The following AKAP8L variants were observed in gnomAD, a reference collection of about 807,000 sequenced individuals.
AKAP8L encodes A-kinase anchor protein 8-like.
A neutral mutation model predicts 77.5 loss-of-function variants in AKAP8L; 34 were observed. The observed-to-expected ratio is 0.44, with a 90% CI of 0.33 to 0.58. The LOEUF (loss-of-function observed/expected upper bound fraction) is 0.58. Ranked by LOEUF, AKAP8L falls within the 20% of genes least tolerant of loss-of-function variation. The probability of loss-of-function intolerance (pLI) is 0.02; values close to 1 mark genes in which losing one functional copy is unlikely to be tolerated. For synonymous variants in AKAP8L, 342 were observed against 340.7 expected (o/e 1.00, Z -0.04); for missense variants, 806 against 887.6 (o/e 0.91, Z 1.17).
intron 2 of AKAP8L, among the ~76,000 whole-genome samples, chr19:15,408,576 A>AAAAGAAAG (rs55924978): frequency 8.2e-6 from 1 of 121,566 alleles, no homozygotes; most frequent in African/African-American, 2.9e-5. Flanking sequence ...AAAAAAAAAA[A>AAAAGAAAG]AAAGAAAGAA....
rs1256392980 is a variant in AKAP8L, at chr19:15,395,876, C to T, written c.1536+1274G>A. Among the ~76,000 whole-genome samples the T allele has an allele frequency of 3.6e-5, 5 of 137,296 alleles. No homozygotes were observed. The East Asian group carries it at 7.0e-4, about 19-fold the overall frequency. 90.1% of individuals were successfully genotyped at this position (137,296 alleles called of 152,430 possible). On this transcript the variant is annotated intron_variant, in intron 12 of 13. Transcript: ENST00000397410. ...GCGGGCGCCTGTAGTCCCAGCTACT[C>T]GGGAGGCTGAGGCAGGAGAATGGCG...
intron 1 of AKAP8L, among the ~76,000 whole-genome samples, chr19:15,411,899 C>T (rs1360993146): frequency 6.6e-6 from 1 of 151,976 alleles, no homozygotes; most frequent in Non-Finnish European, 1.5e-5. Flanking sequence ...ACTAAAAATA[C>T]AAAAATTAGC....
chr19:15,412,745 T>TG (rs1485175110), intron 1 of AKAP8L, among the ~76,000 whole-genome samples: 1 of 152,232 alleles, frequency 6.6e-6, no homozygotes, highest in Non-Finnish European at 1.5e-5. Context: ...GGTTTCACCA[T>TG]GTTAGCCAGG....
rs746902368 is a variant in AKAP8L, at chr19:15,380,313, C to G, written c.1750G>C (p.Gly584Arg). 6.5e-7 allele frequency: 1 copy of G among 1,535,720 alleles called. No homozygotes were observed. Among genetic ancestry groups the G allele is most frequent in the Admixed American group, 2.0e-5 (1 of 50,840 alleles). The change falls in exon 14 of 14, where the codon GGC becomes CGC. Residue 584 changes from glycine to arginine, a missense_variant. Physicochemically the swap from Gly to Arg is moderately radical, Grantham distance 125 (BLOSUM62 -2). Transcript: ENST00000397410. The part of the protein sequence containing the change: ...EAAGISEGAE[G>R]VPAQPPVPPE... ...GGCACGGGAGGCTGCGCCGGCACGC[C>G]CTCTGCGCCCTCCGAGATCCCTGCC...
rs1267722529 is a variant in AKAP8L at position 15,399,353 on chromosome 19, T to C, written c.1106A>G (p.Lys369Arg). ...GQTKRKLQAG[K>R]KSQDKQKKRQ... ...CTTTTTCTGCTTGTCCTGACTCTTCTTGCCTGCCTGCAACTTGCGCTTGGT... is the reference window on the plus strand; with the variant it reads ...CTTTTTCTGCTTGTCCTGACTCTTCCTGCCTGCCTGCAACTTGCGCTTGGT... Residue 369 changes from lysine to arginine, a missense_variant, in exon 9 of 14, where the codon AAG (lysine) becomes AGG (arginine). Physicochemically the swap from Lys to Arg is conservative, Grantham distance 26. Transcript: ENST00000397410. The surrounding 1 kb of genome is among the most constrained non-coding windows in gnomAD (Gnocchi z 6.1). 3 of 1,613,764 alleles carry C rather than the reference T, an allele frequency of 1.9e-6. No homozygotes were observed. The highest frequency in any genetic ancestry group is 2.7e-5 in the African/African-American group (2 of 74,908).
Position 15,398,640 on chromosome 19 carries a change from C to A in AKAP8L, c.1157+662G>T. 1.0e-6 allele frequency: 1 copy of A among 986,608 alleles called. No homozygotes were observed. The highest frequency in any genetic ancestry group is 1.2e-6 in the Non-Finnish European group (1 of 830,648). 61.1% of individuals were successfully genotyped at this position (986,608 alleles called of 1,614,324 possible). Reference sequence around the variant, plus strand: ...GGGGCGGGTCCCTACCTCTGCCGGACGTCCTTATCTGGGCCACGGGGTCAG... The same window carrying A: ...GGGGCGGGTCCCTACCTCTGCCGGAAGTCCTTATCTGGGCCACGGGGTCAG... On this transcript the variant is annotated intron_variant, in intron 9 of 13. Coordinates refer to ENST00000397410, the MANE Select transcript of AKAP8L (RefSeq NM_014371.4). This position sits in a 1 kb window ranked among gnomAD's most constrained non-coding sequence, Gnocchi z 9.2.
At chr19:15,416,264 C>T (rs988420902) in intron 1 of AKAP8L, among the ~76,000 whole-genome samples, 3 of 152,194 alleles carry the variant, frequency 2.0e-5, no homozygotes, top group African/African-American at 4.8e-5. Context: ...CAAAGATGGT[C>T]TCCATTCCTG....
Position 15,399,262 on chromosome 19 carries a change from C to T in AKAP8L, c.1157+40G>A, listed in dbSNP as rs1394811785. 4 of 1,568,036 alleles carry T rather than the reference C, an allele frequency of 2.6e-6. No individual in the cohort carries two copies. The Admixed American group carries it at 6.7e-5, about 26-fold the overall frequency. ...CCCTGCTCTCCTGGCGGCAGCCCCACAGCGAGGCAGAGGCAGAGGGGTGGA... is the reference window on the plus strand; with the variant it reads ...CCCTGCTCTCCTGGCGGCAGCCCCATAGCGAGGCAGAGGCAGAGGGGTGGA... On this transcript the variant is annotated intron_variant, in intron 9 of 13. Transcript: ENST00000397410. This position sits in a 1 kb window ranked among gnomAD's most constrained non-coding sequence, Gnocchi z 6.1.
At chr19:15,387,816 G>A (rs762321359) in intron 12 of AKAP8L, among the ~76,000 whole-genome samples, 1 of 152,042 alleles carries the variant, frequency 6.6e-6, no homozygotes, top group South Asian at 2.1e-4. Context: ...AAAATTAGCC[G>A]GGCGTGGTAG....
rs943605682 is a variant in AKAP8L, at chr19:15,398,739, G to A, written c.1157+563C>T. The A allele has an allele frequency of 1.4e-5, 14 of 990,012 alleles. No individual in the cohort carries two copies. The highest frequency in any genetic ancestry group is 5.9e-5 in the Admixed American group (1 of 16,884). 61.3% of individuals were successfully genotyped at this position (990,012 alleles called of 1,614,324 possible). On this transcript the variant is annotated intron_variant, in intron 9 of 13. Coordinates refer to ENST00000397410, the MANE Select transcript of AKAP8L (RefSeq NM_014371.4). This position sits in a 1 kb window ranked among gnomAD's most constrained non-coding sequence, Gnocchi z 9.2. Reference sequence around the variant, plus strand: ...TCCAGCAAGAGCAAGAGTCTGAGGCGGAGGAGGCAAGCGCCAGTGCGGGAG... The same window carrying A: ...TCCAGCAAGAGCAAGAGTCTGAGGCAGAGGAGGCAAGCGCCAGTGCGGGAG...
intron 1 of AKAP8L, among the ~76,000 whole-genome samples, chr19:15,416,379 T>C (rs927086240): frequency 6.6e-6 from 1 of 152,196 alleles, no homozygotes; most frequent in Non-Finnish European, 1.5e-5. Context: ...TTCGCCTTGC[T>C]CTTTCTGGGA....
chr19:15,404,091 G>A lies in AKAP8L; in HGVS notation c.89-49C>T, dbSNP rs1568270587. 1.9e-6 allele frequency: 3 copies of A among 1,590,052 alleles called. No individual in the cohort carries two copies. In the South Asian group the frequency reaches 3.3e-5, roughly 18 times the overall value. On this transcript the variant is annotated intron_variant, in intron 2 of 13. Coordinates refer to ENST00000397410, the MANE Select transcript of AKAP8L (RefSeq NM_014371.4). ...ACATCTATACTTGCTTACAATACAAGGCCATAATTCAGGCGCAGACAATTA... is the reference window on the plus strand; with the variant it reads ...ACATCTATACTTGCTTACAATACAAAGCCATAATTCAGGCGCAGACAATTA...
At chr19:15,381,734 C>T (rs1246071660) in intron 12 of AKAP8L, 1 of 152,146 alleles carries the variant, frequency 6.6e-6, no homozygotes, top group Non-Finnish European at 1.5e-5. Flanking sequence ...TAGACCGTTC[C>T]CCCAGTGACT....
chr19:15,388,516 C>T (rs1199221619), intron 12 of AKAP8L, among the ~76,000 whole-genome samples: 1 of 152,030 alleles, frequency 6.6e-6, no homozygotes, highest in African/African-American at 2.4e-5. Context: ...AATTTAAACA[C>T]AGAGATAGAA....
Position 15,418,956 on chromosome 19 carries a change from G to A in AKAP8L, c.-33C>T, listed in dbSNP as rs201582772. The A allele has an allele frequency of 6.3e-5, 101 of 1,604,022 alleles. No homozygotes were observed. Among genetic ancestry groups the A allele is most frequent in the African/African-American group, 2.3e-4 (17 of 75,042 alleles). The stretch of plus-strand genomic sequence containing the variant: ...GGCAACACAACATCCGACGACGCCG[G>A]CTTCTGCTGCTCTGAACATCCGACG... On this transcript the variant is annotated 5_prime_UTR_variant, in exon 1 of 14. Transcript: ENST00000397410.
chr19:15,399,673 G>A lies in AKAP8L; in HGVS notation c.1049-263C>T, dbSNP rs1016815215. 2.0e-6 allele frequency: 1 copy of A among 506,106 alleles called. No homozygotes were observed. Among genetic ancestry groups the A allele is most frequent in the Admixed American group, 3.3e-5 (1 of 30,336 alleles). 31.4% of individuals were successfully genotyped at this position (506,106 alleles called of 1,614,324 possible). ...TGCTCTCTGTGCAGTGGGCCAGGAG[G>A]AGGCTGGAAAGCAAAGAGGGGGTAT... On this transcript the variant is annotated intron_variant, in intron 8 of 13. Coordinates refer to ENST00000397410, the MANE Select transcript of AKAP8L (RefSeq NM_014371.4). The surrounding 1 kb of genome is among the most constrained non-coding windows in gnomAD (Gnocchi z 6.1).
chr19:15,391,447 G>T (rs1373373267), intron 12 of AKAP8L, among the ~76,000 whole-genome samples: 2 of 64,438 alleles, frequency 3.1e-5, no homozygotes, highest in African/African-American at 6.4e-5. Context: ...GACAGAGTGA[G>T]ACTCTGTCTC....
At chr19:15,395,032 C>G (rs561883188) in intron 12 of AKAP8L, among the ~76,000 whole-genome samples, 13 of 150,520 alleles carry the variant, frequency 8.6e-5, no homozygotes, top group African/African-American at 3.2e-4. Flanking sequence ...CCGTATTTTC[C>G]AACTTTTTTT....
chr19:15,401,601 T>C lies in AKAP8L; in HGVS notation c.365A>G (p.Tyr122Cys), dbSNP rs1459614090. The C allele has an allele frequency of 6.3e-7, 1 of 1,585,820 alleles. No homozygotes were observed. The highest frequency in any genetic ancestry group is 8.6e-7 in the Non-Finnish European group (1 of 1,167,198). The change falls in exon 5 of 14, where the codon TAT becomes TGT. Residue 122 changes from tyrosine to cysteine, a missense_variant and splice_region_variant. Tyr to Cys is a radical substitution (Grantham distance 194). Coordinates refer to ENST00000397410, the MANE Select transcript of AKAP8L (RefSeq NM_014371.4). This position sits in a 1 kb window ranked among gnomAD's most constrained non-coding sequence, Gnocchi z 6.2. ...GGVYGSGGER[Y>C]DSYESCDSRA... ...CGAGTCGCAGGACTCATAAGAGTCATACCTGCAGAGGCATGGGGTGAGCAT... is the reference window on the plus strand; with the variant it reads ...CGAGTCGCAGGACTCATAAGAGTCACACCTGCAGAGGCATGGGGTGAGCAT...
Sources: gnomAD v4.1 joint callset for allele counts (sites outside exome capture counted in the v4.1 genomes callset) on GRCh38, gnomAD v4.1.1 for gene constraint, Gnocchi (gnomAD v3.1) non-coding constraint, MANE v1.5 for transcripts, NCBI Gene and HGNC (gene_info 2026-07-23, HGNC 2026-07-21) for gene names.